The following GRAMD1B variants were observed in gnomAD, a reference collection of about 807,000 sequenced individuals.
GRAMD1B encodes protein Aster-B.
A neutral mutation model predicts 99.7 loss-of-function variants in GRAMD1B; 37 were observed. The ratio of observed to expected loss-of-function variants is 0.37; its 90% confidence interval spans 0.29 to 0.49. The LOEUF is 0.49. Among genes scored for constraint, GRAMD1B ranks in the 20% least tolerant of loss-of-function variants. GRAMD1B has a pLI of 0.98. For missense variants in GRAMD1B, 888 were observed against 1,009.2 expected, an observed-to-expected ratio of 0.88 and a Z score of 1.63; for synonymous variants, 427 against 387.6, an observed-to-expected ratio of 1.10 and a Z score of -1.19.
chr11:123,462,635 A>G (rs1445846848), intron 1 of GRAMD1B, among the ~76,000 whole-genome samples: 4 of 152,196 alleles, frequency 2.6e-5, no homozygotes. Context: ...GAATTCAGGG[A>G]CAAAAAACCT....
At chr11:123,598,746 G>A (rs570736876) in intron 7 of GRAMD1B, 2 of 899,442 alleles carry the variant, frequency 2.2e-6, no homozygotes, top group East Asian at 2.4e-5. Context: ...CTGCGTCAGA[G>A]CACTGCTTGT....
rs146530057 is a variant in GRAMD1B, at chr11:123,574,913, C to T, written c.453-2454C>T. On this transcript the variant is annotated intron_variant, in intron 2 of 19. Transcript: ENST00000635736. The stretch of plus-strand genomic sequence containing the variant: ...CAAGAGTTGAGACAGTAGTTGAGAC[C>T]GGCAGAGGAGTAGAAGAGAGGTGCT... Among the ~76,000 whole-genome samples the T allele has an allele frequency of 9.2e-5, 14 of 152,130 alleles. No homozygotes were observed. The East Asian group carries it at 1.7e-3, about 19-fold the overall frequency.
chr11:123,573,793 G>T (rs778725213), intron 2 of GRAMD1B, among the ~76,000 whole-genome samples: 1 of 152,162 alleles, frequency 6.6e-6, no homozygotes, highest in Non-Finnish European at 1.5e-5. Flanking sequence ...AATATTAGCA[G>T]GTTGTAGGTA....
intron 2 of GRAMD1B, among the ~76,000 whole-genome samples, chr11:123,515,077 T>A (rs932255422): frequency 7.2e-5 from 11 of 152,176 alleles, no homozygotes; most frequent in Non-Finnish European, 1.3e-4. Context: ...CTAGTCATAT[T>A]TCAGGTGCTA....
chr11:123,405,124 G>A (rs1453516047), intron 1 of GRAMD1B, among the ~76,000 whole-genome samples: 1 of 152,064 alleles, frequency 6.6e-6, no homozygotes, highest in African/African-American at 2.4e-5. Flanking sequence ...AGAAGTTGGG[G>A]GAAGAGATGG....
At chr11:123,555,751 T>A (rs531170679) in intron 2 of GRAMD1B, among the ~76,000 whole-genome samples, 64 of 152,196 alleles carry the variant, frequency 4.2e-4, no homozygotes, top group South Asian at 1.7e-3. Flanking sequence ...CTTTTTTTTT[T>A]AAAACGGAGT....
intron 2 of GRAMD1B, among the ~76,000 whole-genome samples, chr11:123,514,657 G>A (rs1016653268): frequency 6.6e-6 from 1 of 152,220 alleles, no homozygotes; most frequent in Admixed American, 6.5e-5. Flanking sequence ...ACCAGAAACA[G>A]AAGCAGGGAG....
Position 123,625,724 on chromosome 11 carries a change from G to A in GRAMD1B, c.*3129G>A, listed in dbSNP as rs533207425. On this transcript the variant is annotated 3_prime_UTR_variant, in exon 20 of 20. Transcript: ENST00000635736. Reference sequence around the variant, plus strand: ...GTTGGGCTAGATCATCTTTAAGGTAGGTTCTAGCTTTGACATCATCTTGGG... The same window carrying A: ...GTTGGGCTAGATCATCTTTAAGGTAAGTTCTAGCTTTGACATCATCTTGGG... The A allele has an allele frequency of 2.0e-5, 3 of 152,260 alleles. No individual in the cohort carries two copies. Among genetic ancestry groups the A allele is most frequent in the Non-Finnish European group, 4.4e-5 (3 of 68,114 alleles). The allele number at this position is 152,260 out of a possible 1,614,324, so 9.4% of individuals were successfully genotyped here.
chr11:123,608,626 A>C, intron 11 of GRAMD1B, 33 bp from the exon 12 acceptor site: 1 of 1,569,898 alleles, frequency 6.4e-7, no homozygotes. Context: ...CTCCGCTGTC[A>C]CTGTCTACTT....
intron 8 of GRAMD1B, among the ~76,000 whole-genome samples, chr11:123,601,515 ATGTG>A (rs4063751): frequency 0.014 from 2,032 of 148,504 alleles, 23 homozygotes; most frequent in African/African-American, 0.035. Context: ...ATTAATTTTT[ATGTG>A]TGTGTGTGTG....
rs988177563 is a variant in GRAMD1B at position 123,492,805 on chromosome 11, A to C, written c.452+11912A>C. ...TGGATTTCAGAGGTAGGGAGAGGCT[A>C]GAGGCAGTAGGTGGCTTAACCTCAA... On this transcript the variant is annotated intron_variant, in intron 2 of 19. Coordinates refer to ENST00000635736, the MANE Select transcript of GRAMD1B (RefSeq NM_001387025.1). The surrounding 1 kb of genome is among the most constrained non-coding windows in gnomAD (Gnocchi z 4.2). Among the ~76,000 whole-genome samples the C allele has an allele frequency of 2.0e-5, 3 of 151,982 alleles. No homozygotes were observed.
At chr11:123,361,659 A>G (rs749580261) in intron 1 of GRAMD1B, among the ~76,000 whole-genome samples, 2 of 152,190 alleles carry the variant, frequency 1.3e-5, no homozygotes, top group Non-Finnish European at 2.9e-5. Context: ...CCCGATATGT[A>G]CAAACCAGAA....
chr11:123,441,066 CAAT>C (rs1482254805), intron 1 of GRAMD1B, among the ~76,000 whole-genome samples: 4 of 152,124 alleles, frequency 2.6e-5, no homozygotes, highest in Non-Finnish European at 5.9e-5. Flanking sequence ...ACTGTAAGTC[CAAT>C]AAACCTCTTT....
intron 1 of GRAMD1B, among the ~76,000 whole-genome samples, chr11:123,375,942 G>C (rs1412926492): frequency 6.6e-6 from 1 of 151,990 alleles, no homozygotes; most frequent in Non-Finnish European, 1.5e-5. Context: ...TGAAAAGGTA[G>C]ATTTTTTTTT....
chr11:123,565,189 C>T (rs895180300), intron 2 of GRAMD1B, among the ~76,000 whole-genome samples: 34 of 151,032 alleles, frequency 2.3e-4, no homozygotes, highest in South Asian at 2.1e-4. Flanking sequence ...TCTGCCAGCA[C>T]GCCTGGCTAA....
intron 1 of GRAMD1B, among the ~76,000 whole-genome samples, chr11:123,368,275 A>AAG (rs1555106319): frequency 7.9e-6 from 1 of 127,112 alleles, no homozygotes; most frequent in African/African-American, 3.6e-5. Context: ...AAAAAAAAAA[A>AAG]AAAGAAAGAA....
At chr11:123,512,965 C>T (rs780743886) in intron 2 of GRAMD1B, among the ~76,000 whole-genome samples, 35 of 152,052 alleles carry the variant, frequency 2.3e-4, no homozygotes, top group Non-Finnish European at 4.1e-4. Context: ...AAGATGCTTC[C>T]ATAAAGAGCC....
intron 1 of GRAMD1B, among the ~76,000 whole-genome samples, chr11:123,391,410 G>A (rs547704591): frequency 5.9e-5 from 9 of 152,088 alleles, no homozygotes; most frequent in East Asian, 1.9e-4. Context: ...TCTCTCTGCC[G>A]AGATCACTAA....
chr11:123,601,752 G>C (rs566362840), intron 8 of GRAMD1B, among the ~76,000 whole-genome samples: 107 of 152,330 alleles, frequency 7.0e-4, no homozygotes, highest in Non-Finnish European at 1.2e-3. Flanking sequence ...AAATGATTAT[G>C]TGTTTTAGTC....
Sources: allele counts gnomAD v4.1 joint callset (sites outside exome capture counted in the v4.1 genomes callset), GRCh38; gene constraint gnomAD v4.1.1; non-coding constraint Gnocchi (gnomAD v3.1); transcripts MANE v1.5; gene names NCBI Gene and HGNC (gene_info 2026-07-23, HGNC 2026-07-21).